Variants in COLEC12 observed in about 807,000 individuals in gnomAD.
The protein encoded by COLEC12 is collectin subfamily member 12, also known as collectin-12.
COLEC12 carries 33 observed loss-of-function variants against 71.1 expected under a neutral mutation model. That is an observed-to-expected ratio of 0.46 (90% CI 0.35 to 0.62). COLEC12 has a LOEUF of 0.62. Ranked by LOEUF, COLEC12 falls within the 20% of genes least tolerant of loss-of-function variation. The pLI is 0.00. For missense variants in COLEC12, 765 were observed against 916.1 expected, an observed-to-expected ratio of 0.84 and a Z score of 2.13; for synonymous variants, 350 against 353.0, an observed-to-expected ratio of 0.99 and a Z score of 0.10.
chr18:441,244 T>A (rs1018337941), intron 2 of COLEC12, among the ~76,000 whole-genome samples: 1 of 151,570 alleles, frequency 6.6e-6, no homozygotes. Flanking sequence ...CGAGACTCTG[T>A]CTCAAAAAAT....
intron 9 of COLEC12, among the ~76,000 whole-genome samples, 170 bp from the exon 10 acceptor site, chr18:320,234 TAAGTTTCATTTTGAAAAGCC>T (rs1215148812): frequency 8.5e-5 from 13 of 152,352 alleles, no homozygotes; most frequent in East Asian, 1.9e-4. Flanking sequence ...GATGAAAAGA[TAAGTTTCATTTTGAAAAGCC>T]AAGTTTCATT....
At chr18:495,780 G>A (rs1917700625) in intron 1 of COLEC12, among the ~76,000 whole-genome samples, 2 of 152,196 alleles carry the variant, frequency 1.3e-5, no homozygotes, top group Admixed American at 1.3e-4. Flanking sequence ...AGCTAGGAGG[G>A]AGCCTGGGCT....
In COLEC12 at chr18:422,006, C is replaced by A. The variant is rs2621205; in HGVS notation, c.58+58701G>T. Among the ~76,000 whole-genome samples the A allele has an allele frequency of 2.6e-5, 4 of 151,974 alleles. No individual in the cohort carries two copies. In the East Asian group the frequency reaches 5.8e-4, roughly 22 times the overall value. On this transcript the variant is annotated intron_variant, in intron 2 of 9. Transcript: ENST00000400256. ...GAGTCACTGGATTGCTGTCCCCTTC[C>A]CAGGACAGTCTCAGTAGGCCTTCAG...
intron 8 of COLEC12, among the ~76,000 whole-genome samples, chr18:328,210 G>A (rs1160725767): frequency 6.6e-6 from 1 of 152,162 alleles, no homozygotes; most frequent in Admixed American, 6.6e-5. Context: ...CGTCTCCTGC[G>A]ATGATCTGTT....
At chr18:462,903 G>T (rs1917010595) in intron 2 of COLEC12, among the ~76,000 whole-genome samples, 1 of 152,152 alleles carries the variant, frequency 6.6e-6, no homozygotes, top group African/African-American at 2.4e-5. Flanking sequence ...AAGTAGGGTA[G>T]CCCCAGTTTA....
At chr18:339,561 A>C (rs1476970342) in intron 5 of COLEC12, among the ~76,000 whole-genome samples, 3 of 145,538 alleles carry the variant, frequency 2.1e-5, no homozygotes, top group Non-Finnish European at 4.7e-5. Flanking sequence ...GAAGTACTAC[A>C]TCTATCCTAA....
At chr18:445,741 C>T (rs139442069) in intron 2 of COLEC12, among the ~76,000 whole-genome samples, 2,815 of 151,262 alleles carry the variant, frequency 0.019, 58 homozygotes, top group Non-Finnish European at 0.023. Flanking sequence ...CAAGTGATTC[C>T]TTTGCCTCAG....
intron 2 of COLEC12, among the ~76,000 whole-genome samples, chr18:436,514 T>TC (rs1343694935): frequency 7.5e-5 from 2 of 26,684 alleles, no homozygotes; most frequent in Non-Finnish European, 1.3e-4. Context: ...AGACTCCATC[T>TC]CAAAAAAAAA....
chr18:368,626 A>G (rs1188925365), intron 2 of COLEC12, among the ~76,000 whole-genome samples: 1 of 152,074 alleles, frequency 6.6e-6, no homozygotes, highest in Non-Finnish European at 1.5e-5. Context: ...GAACTTTGGG[A>G]GGCCAAGGTG....
chr18:407,739 C>T (rs1915818214), intron 2 of COLEC12, among the ~76,000 whole-genome samples: 1 of 152,180 alleles, frequency 6.6e-6, no homozygotes, highest in South Asian at 2.1e-4. Flanking sequence ...GCCTAGGTAC[C>T]CCACAACCAG....
chr18:355,421 G>C (rs879479748), intron 3 of COLEC12, among the ~76,000 whole-genome samples: 1 of 152,090 alleles, frequency 6.6e-6, no homozygotes, highest in Non-Finnish European at 1.5e-5. Context: ...ACCAGCACAC[G>C]CACAACACGC....
At chr18:407,650 A>G (rs529073271) in intron 2 of COLEC12, among the ~76,000 whole-genome samples, 2 of 152,344 alleles carry the variant, frequency 1.3e-5, no homozygotes, top group East Asian at 1.9e-4. Context: ...AAGGTAACCA[A>G]CTTTACTCAC....
At chr18:442,082 G>GTGAGACTCTCTCTACACACACACACACAC (rs1916554019) in intron 2 of COLEC12, among the ~76,000 whole-genome samples, 1 of 151,340 alleles carries the variant, frequency 6.6e-6, no homozygotes, top group African/African-American at 2.4e-5. Flanking sequence ...TGGGGACTGA[G>GTGAGACTCTCTCTACACACACACACACAC]AAGGTTATGG....
At chr18:324,792 G>A (rs1453142155) in intron 8 of COLEC12, among the ~76,000 whole-genome samples, 1 of 152,130 alleles carries the variant, frequency 6.6e-6, no homozygotes, top group African/African-American at 2.4e-5. Flanking sequence ...TCATGCCACT[G>A]TACTCCATCC....
chr18:350,820 T>C (rs867367975), intron 3 of COLEC12, among the ~76,000 whole-genome samples: 23 of 151,786 alleles, frequency 1.5e-4, no homozygotes, highest in Middle Eastern at 6.8e-3. Flanking sequence ...CTCAGCTACT[T>C]AGGAGGCTGA....
chr18:460,337 C>T lies in COLEC12; in HGVS notation c.58+20370G>A, dbSNP rs138342787. ...TGTCACCTTTTGAATCCCCCATCCCCAGCCCAAGTTTCATTTTACGCATCA... is the reference window on the plus strand; with the variant it reads ...TGTCACCTTTTGAATCCCCCATCCCTAGCCCAAGTTTCATTTTACGCATCA... On this transcript the variant is annotated intron_variant, in intron 2 of 9. Coordinates refer to ENST00000400256, the MANE Select transcript of COLEC12 (RefSeq NM_130386.3). Among the ~76,000 whole-genome samples, 566 of 152,100 alleles carry T rather than the reference C, an allele frequency of 3.7e-3. 9 individuals carry two copies. Among genetic ancestry groups the T allele is most frequent in the African/African-American group, 0.013 (546 of 41,378 alleles).
At chr18:472,727 GAAGAA>G (rs1917226496) in intron 2 of COLEC12, among the ~76,000 whole-genome samples, 1 of 143,778 alleles carries the variant, frequency 7.0e-6, no homozygotes, top group Non-Finnish European at 1.5e-5. Context: ...GAAAACAACA[GAAGAA>G]AAGAAAATAG....
intron 1 of COLEC12, among the ~76,000 whole-genome samples, chr18:492,070 G>A (rs1201234285): frequency 2.0e-5 from 3 of 152,182 alleles, no homozygotes; most frequent in African/African-American, 7.2e-5. Context: ...ACTCCAAATG[G>A]ATGAAGGAAT....
At chr18:460,333 T>C (rs191410274) in intron 2 of COLEC12, among the ~76,000 whole-genome samples, 5 of 151,866 alleles carry the variant, frequency 3.3e-5, no homozygotes, top group Admixed American at 2.0e-4. Flanking sequence ...GAATCCCCCA[T>C]CCCCAGCCCA....
Sources: allele counts gnomAD v4.1 joint callset (sites outside exome capture counted in the v4.1 genomes callset), GRCh38; gene constraint gnomAD v4.1.1; transcripts MANE v1.5; gene names NCBI Gene and HGNC (gene_info 2026-07-23, HGNC 2026-07-21).